Variants in FXN observed in about 807,000 individuals in gnomAD.
FXN encodes the protein frataxin, mitochondrial.
A neutral mutation model predicts 22.4 loss-of-function variants in FXN; 14 were observed. The ratio of observed to expected loss-of-function variants is 0.62; its 90% confidence interval spans 0.41 to 0.98. The LOEUF (loss-of-function observed/expected upper bound fraction) is 0.98. FXN is among the 50% of genes least tolerant of loss of function. The pLI, the probability that FXN is intolerant of heterozygous loss-of-function variation, is 0.00. For missense variants in FXN, 267 were observed against 268.4 expected, an observed-to-expected ratio of 0.99 and a Z score of 0.04; for synonymous variants, 120 against 114.1, an observed-to-expected ratio of 1.05 and a Z score of -0.33.
rs1192321055 is a variant in FXN at position 69,074,997 on chromosome 9, G to C, written c.*2235G>C. 1.0e-6 allele frequency: 1 copy of C among 985,300 alleles called. No homozygotes were observed. The highest frequency in any genetic ancestry group is 6.1e-5 in the Admixed American group (1 of 16,266). The allele number at this position is 985,300 out of a possible 1,614,324, so 61.0% of individuals were successfully genotyped here. The stretch of plus-strand genomic sequence containing the variant: ...CCTTTATCTGGGACACAGCACAAAA[G>C]AGGTATGCAGTGGGGCTGCTCTGAC... On this transcript the variant is annotated 3_prime_UTR_variant, in exon 5 of 5. Coordinates refer to ENST00000484259, the MANE Select transcript of FXN (RefSeq NM_000144.5).
At chr9:69,060,667 A>G (rs977305401) in intron 3 of FXN, among the ~76,000 whole-genome samples, 1 of 152,200 alleles carries the variant, frequency 6.6e-6, no homozygotes, top group African/African-American at 2.4e-5. Context: ...TGTGGGGGAA[A>G]AAATCTATTT....
intron 1 of FXN, among the ~76,000 whole-genome samples, chr9:69,041,864 G>T (rs894199243): frequency 2.0e-5 from 3 of 152,230 alleles, no homozygotes; most frequent in Non-Finnish European, 4.4e-5. Flanking sequence ...CTCAAGCTAG[G>T]CAAGCCTACC....
rs59923017 is a variant in FXN at position 69,076,231 on chromosome 9, T to TTTA, written c.*3469_*3470insTTA. ...AGTGGCCTCATGTTTTTTTTTTTTT[T>TTTA]AATCTATAAAATGGAGATATCTAAC... On this transcript the variant is annotated 3_prime_UTR_variant, in exon 5 of 5. Transcript: ENST00000484259. 299,077 of 901,090 alleles carry TTTA rather than the reference T, an allele frequency of 0.33. 17,621 individuals are homozygous for TTTA. The highest frequency in any genetic ancestry group is 0.51 in the East Asian group (4,244 of 8,272). 55.8% of individuals were successfully genotyped at this position (901,090 alleles called of 1,614,324 possible). A position where few individuals can be genotyped will look rare whatever the true frequency, so the allele number is the denominator to read the frequency against.
In FXN at chr9:69,072,792, G is replaced by A; in HGVS notation, c.*30G>A. The A allele has an allele frequency of 6.2e-7, 1 of 1,613,828 alleles. No individual in the cohort carries two copies. Among genetic ancestry groups the A allele is most frequent in the Non-Finnish European group, 8.5e-7 (1 of 1,180,014 alleles). Reference sequence around the variant, plus strand: ...CAGCCCCGTTTTAAGGACATTAAAAGCTATCAGGCCAAGACCCCAGCTTCA... The same window carrying A: ...CAGCCCCGTTTTAAGGACATTAAAAACTATCAGGCCAAGACCCCAGCTTCA... On this transcript the variant is annotated 3_prime_UTR_variant, in exon 5 of 5. Transcript: ENST00000484259.
chr9:69,047,113 C>T (rs1234169235), intron 2 of FXN, among the ~76,000 whole-genome samples: 9 of 152,128 alleles, frequency 5.9e-5, no homozygotes, highest in Admixed American at 5.9e-4. Flanking sequence ...CACGGCATTC[C>T]CCATGGAAAG....
intron 3 of FXN, among the ~76,000 whole-genome samples, chr9:69,057,196 AT>A (rs1831976477): frequency 6.6e-6 from 1 of 152,080 alleles, no homozygotes; most frequent in Admixed American, 6.6e-5. Context: ...AAAACTTAAA[AT>A]TTTTTTTAGA....
At chr9:69,068,588 T>C (rs1832216900) in intron 4 of FXN, among the ~76,000 whole-genome samples, 1 of 152,230 alleles carries the variant, frequency 6.6e-6, no homozygotes, top group Admixed American at 6.5e-5. Context: ...GTGCTAGTGA[T>C]GTGCAGAATC....
At chr9:69,047,129 A>C (rs1300999506) in intron 2 of FXN, among the ~76,000 whole-genome samples, 1 of 152,172 alleles carries the variant, frequency 6.6e-6, no homozygotes. Context: ...GAAAGCTGTC[A>C]GGCACGGCTA....
intron 1 of FXN, among the ~76,000 whole-genome samples, chr9:69,036,625 C>T (rs977430802): frequency 3.3e-5 from 5 of 152,318 alleles, no homozygotes; most frequent in Admixed American, 3.3e-4. Flanking sequence ...GCTTTGTTTT[C>T]TGTAGGGAGA....
At chr9:69,070,758 G>T (rs1441369687) in intron 4 of FXN, among the ~76,000 whole-genome samples, 3 of 149,786 alleles carry the variant, frequency 2.0e-5, no homozygotes, top group African/African-American at 7.4e-5. Flanking sequence ...TTTCACATTG[G>T]TTCAAAATAT....
chr9:69,046,310 C>A, intron 1 of FXN, 75 bp from the exon 2 acceptor site: 1 of 1,027,670 alleles, frequency 9.7e-7, no homozygotes, highest in Non-Finnish European at 1.5e-6. Context: ...GTAGAAGTAG[C>A]AATATATAAA....
intron 2 of FXN, 117 bp from the exon 3 acceptor site, chr9:69,053,023 C>A (rs1393643043): frequency 5.2e-4 from 506 of 966,528 alleles, no homozygotes; most frequent in Middle Eastern, 7.4e-4. Flanking sequence ...AAAACTTTTA[C>A]TTTTTACATG....
chr9:69,043,846 A>G (rs1261270206), intron 1 of FXN, among the ~76,000 whole-genome samples: 2 of 151,928 alleles, frequency 1.3e-5, no homozygotes, highest in Non-Finnish European at 2.9e-5. Context: ...CGCCTCCCAA[A>G]CTGCAGAGAT....
At chr9:69,037,348 C>T (rs1304845589) in intron 1 of FXN, among the ~76,000 whole-genome samples, 2 of 149,534 alleles carry the variant, frequency 1.3e-5, no homozygotes, top group East Asian at 3.9e-4. Context: ...CGCCTGTAAT[C>T]CCAGCTACTC....
chr9:69,064,282 A>T (rs913315100), intron 3 of FXN, among the ~76,000 whole-genome samples: 4 of 152,248 alleles, frequency 2.6e-5, no homozygotes, highest in African/African-American at 9.6e-5. Context: ...AAGATGCACC[A>T]ACTAGTCTTT....
intron 4 of FXN, 143 bp from the exon 5 acceptor site, chr9:69,072,469 G>A: frequency 7.2e-7 from 1 of 1,381,058 alleles, no homozygotes; most frequent in East Asian, 2.4e-5. Flanking sequence ...GCTAAGATAA[G>A]AAGGCAGATA....
At chr9:69,043,741 G>A (rs748115135) in intron 1 of FXN, among the ~76,000 whole-genome samples, 17 of 152,232 alleles carry the variant, frequency 1.1e-4, no homozygotes, top group Middle Eastern at 6.8e-3. Context: ...ATGTCATCAC[G>A]CCTTGCTAAT....
chr9:69,059,613 C>T (rs1832030438), intron 3 of FXN, among the ~76,000 whole-genome samples: 1 of 151,652 alleles, frequency 6.6e-6, no homozygotes, highest in Admixed American at 6.6e-5. Flanking sequence ...ACCATGTTGG[C>T]CTGGCTGGTC....
At chr9:69,049,908 C>T (rs1219472976) in intron 2 of FXN, among the ~76,000 whole-genome samples, 1 of 152,104 alleles carries the variant, frequency 6.6e-6, no homozygotes, top group Non-Finnish European at 1.5e-5. Context: ...TGTATCTAGT[C>T]ACAAGCATAC....
Sources: allele counts gnomAD v4.1 joint callset (sites outside exome capture counted in the v4.1 genomes callset), GRCh38; gene constraint gnomAD v4.1.1; transcripts MANE v1.5; gene names NCBI Gene and HGNC (gene_info 2026-07-23, HGNC 2026-07-21).